Variants in SPTBN5 observed in about 807,000 individuals in gnomAD.
SPTBN5 encodes the protein spectrin beta, non-erythrocytic 5, also known as spectrin beta chain, non-erythrocytic 5.
A neutral mutation model predicts 477.6 loss-of-function variants in SPTBN5; 513 were observed. That is an observed-to-expected ratio of 1.07 (90% confidence interval 1.00 to 1.16). The LOEUF is 1.16. Ranked by LOEUF, SPTBN5 falls within the 50% of genes most tolerant of loss-of-function variation. SPTBN5 has a pLI of 0.00. For missense variants in SPTBN5, 5,062 were observed against 4,731.8 expected (o/e 1.07, Z -2.05); for synonymous variants, 2,169 against 2,011.7 (o/e 1.08, Z -2.09).
rs771940150 is a variant in SPTBN5 at position 41,873,944 on chromosome 15, G to A, written c.4791C>T (p.Ile1597=). 3.7e-6 allele frequency: 6 copies of A among 1,609,950 alleles called. No homozygotes were observed. The highest frequency in any genetic ancestry group is 1.1e-5 in the South Asian group (1 of 91,084). The change falls in exon 25 of 68, where the codon ATC becomes ATT. Residue 1597 remains isoleucine, a synonymous_variant. Transcript: ENST00000320955. ...AASGHPQAQH[I]VEQCQELEGH... Reference sequence around the variant, plus strand: ...CTTCCAGCTCCTGGCACTGCTCCACGATGTGTTGGGCTTGGGGGTGCCCTG... The same window carrying A: ...CTTCCAGCTCCTGGCACTGCTCCACAATGTGTTGGGCTTGGGGGTGCCCTG...
intron 53 of SPTBN5, 112 bp from the exon 54 acceptor site, chr15:41,855,857 G>T (rs1035677858): frequency 1.7e-6 from 2 of 1,184,082 alleles, no homozygotes; most frequent in Non-Finnish European, 2.3e-6. Context: ...GAGCTGTCAC[G>T]CTCCCTCAGC....
At chr15:41,883,736 T>C (rs974088582) in intron 7 of SPTBN5, among the ~76,000 whole-genome samples, 1 of 152,014 alleles carries the variant, frequency 6.6e-6, no homozygotes, top group Non-Finnish European at 1.5e-5. Context: ...CTAACTTGGA[T>C]GCAGTCCCCA....
intron 53 of SPTBN5, 111 bp downstream of exon 53, chr15:41,856,275 G>A (rs1424874763): frequency 1.0e-6 from 1 of 970,326 alleles, no homozygotes; most frequent in Non-Finnish European, 1.5e-6. Flanking sequence ...GGAGACCACT[G>A]AGTGGAGGAG....
intron 41 of SPTBN5, 91 bp from the exon 42 acceptor site, chr15:41,862,994 C>A: frequency 8.7e-7 from 1 of 1,150,892 alleles, no homozygotes; most frequent in Admixed American, 2.0e-5. Context: ...TCTGTGTGCA[C>A]AGCAAGTCCC....
intron 3 of SPTBN5, 89 bp from the exon 4 acceptor site, chr15:41,890,294 G>T (rs2067271865): frequency 1.2e-6 from 1 of 854,168 alleles, no homozygotes; most frequent in African/African-American, 1.7e-5. Context: ...GCTGCGGGAT[G>T]GGAGCATCCT....
chr15:41,876,236 C>G lies in SPTBN5; in HGVS notation c.4000G>C (p.Gly1334Arg). 1 of 1,600,314 alleles carries G rather than the reference C, an allele frequency of 6.2e-7. No homozygotes were observed. Among genetic ancestry groups the G allele is most frequent in the Non-Finnish European group, 8.5e-7 (1 of 1,176,806 alleles). Residue 1334 changes from glycine to arginine, a missense_variant, in exon 21 of 68, where the codon GGG (glycine) becomes CGG (arginine). Gly to Arg is a moderately radical substitution (Grantham distance 125). Coordinates refer to ENST00000320955, the MANE Select transcript of SPTBN5 (RefSeq NM_016642.4). ...GAGGGCTCATGCGCAGCCATCAGCC[C>G]CTTCTCTTCCATCCACTGCATCAGC... is the stretch of plus-strand genomic sequence containing the variant. ...AELMQWMEEK[G>R]LMAAHEPSGA...
rs550081116 is a variant in SPTBN5, at chr15:41,851,084, C to G, written c.10810G>C (p.Gly3604Arg). The G allele has an allele frequency of 1.2e-6, 2 of 1,612,832 alleles. No homozygotes were observed. The highest frequency in any genetic ancestry group is 8.5e-7 in the Non-Finnish European group (1 of 1,179,738). ...CTTAAGGAGAATGTGTGTTTCCTGC[C>G]GTGGCGGCCCCGCAGCCTCTCACAC... is the stretch of plus-strand genomic sequence containing the variant. The part of the protein sequence containing the change: ...ARCERLRGRH[G>R]RKHTFSLRLT... Residue 3604 changes from glycine (G) to arginine (R), a missense_variant, in exon 65 of 68, where the codon GGC becomes CGC. Physicochemically the swap from Gly to Arg is moderately radical, Grantham distance 125. Coordinates refer to ENST00000320955, the MANE Select transcript of SPTBN5 (RefSeq NM_016642.4).
intron 3 of SPTBN5, 96 bp downstream of exon 3, chr15:41,892,798 G>T: frequency 1.4e-6 from 2 of 1,398,058 alleles, no homozygotes; most frequent in Non-Finnish European, 1.9e-6. Context: ...CCTCTGTTCT[G>T]CCCAGTGGCC....
chr15:41,856,724 A>G, intron 52 of SPTBN5, 126 bp from the exon 53 acceptor site: 1 of 1,346,478 alleles, frequency 7.4e-7, no homozygotes, highest in Non-Finnish European at 9.9e-7. Context: ...CATGACTCCC[A>G]AAGAATCCAG....
chr15:41,870,242 C>A lies in SPTBN5; in HGVS notation c.5673+1G>T. On this transcript the variant is annotated splice_donor_variant, in intron 31 of 67. Coordinates refer to ENST00000320955, the MANE Select transcript of SPTBN5 (RefSeq NM_016642.4). LOFTEE classifies it high-confidence loss of function. ...TCGGAGAGGCAGCCAGCTGGGCTCACCTGCCGCTCGGTGCCCACGAGTTCT... is the reference window on the plus strand; with the variant it reads ...TCGGAGAGGCAGCCAGCTGGGCTCAACTGCCGCTCGGTGCCCACGAGTTCT... 15 of 1,548,410 alleles carry A rather than the reference C, an allele frequency of 9.7e-6. No individual in the cohort carries two copies. The highest frequency in any genetic ancestry group is 1.3e-5 in the Non-Finnish European group (15 of 1,146,496).
chr15:41,886,119 G>A lies in SPTBN5; in HGVS notation c.1136C>T (p.Ala379Val). The change falls in exon 7 of 68, where the codon GCC (alanine) becomes GTC (valine). Residue 379 changes from alanine to valine, a missense_variant. Transcript: ENST00000320955. ...LLFRLQTALQ[A>V]QNRRPFLPHE... ...AGGCAGGAAGGGCCTGCGGTTCTGG[G>A]CTTGGAGTGCTGTCTGTAGCCGGAA... The A allele has an allele frequency of 6.2e-7, 1 of 1,610,920 alleles. No individual in the cohort carries two copies. Among genetic ancestry groups the A allele is most frequent in the Non-Finnish European group, 8.5e-7 (1 of 1,178,568 alleles).
At chr15:41,850,160 A>G in intron 66 of SPTBN5, 1 of 581,840 alleles carries the variant, frequency 1.7e-6, no homozygotes, top group Non-Finnish European at 3.1e-6. Flanking sequence ...GCCTCTTAGG[A>G]AACTCCTCAC....
At position 41,858,603 on chromosome 15, in the gene SPTBN5, C is replaced by A. The variant is rs55649878; in HGVS notation, c.8225G>T (p.Arg2742Leu). 20 of 1,609,672 alleles carry A rather than the reference C, an allele frequency of 1.2e-5. No individual in the cohort carries two copies. The highest frequency in any genetic ancestry group is 1.6e-5 in the Non-Finnish European group (19 of 1,179,010). ...ACCCTCCTGCCTGCAGGGCCTCACC[C>A]GCTGCAGCTCCTGCTGTTGGTGCAT... ...ASMHQQQELQ[R>L]EGQRLLQGGH... Residue 2742 changes from arginine (R) to leucine (L), a missense_variant and splice_region_variant, in exon 49 of 68, where the codon CGG (arginine) becomes CTG (leucine). Arg to Leu is a moderately radical substitution (Grantham distance 102). Coordinates refer to ENST00000320955, the MANE Select transcript of SPTBN5 (RefSeq NM_016642.4).
rs755176099 is a variant in SPTBN5, at chr15:41,893,337, T to C, written c.161A>G (p.Gln54Arg). The change falls in exon 2 of 68, where the codon CAG becomes CGG. Residue 54 changes from glutamine (Q) to arginine (R), a missense_variant. Coordinates refer to ENST00000320955, the MANE Select transcript of SPTBN5 (RefSeq NM_016642.4). ...HIRKLQARHM[Q>R]MQEKTFTKWI... ...CTTGGTGAAAGTCTTCTCCTGCATC[T>C]GCATGTGCCGGGCCTGTAGCTTGCG... 19 of 1,613,898 alleles carry C rather than the reference T, an allele frequency of 1.2e-5. No individual in the cohort carries two copies. The highest frequency in any genetic ancestry group is 1.6e-5 in the Non-Finnish European group (19 of 1,179,902).
In SPTBN5 at chr15:41,875,487, G is replaced by T; in HGVS notation, c.4258C>A (p.Gln1420Lys). The change falls in exon 22 of 68, where the codon CAG becomes AAG. Residue 1420 changes from glutamine to lysine, a missense_variant. By Grantham distance (53) the Gln-to-Lys change is moderately conservative (BLOSUM62 1). Transcript: ENST00000320955. The part of the protein sequence containing the change: ...ERGDELQQAG[Q>K]QEQLLRQLQD... ...AGCTGCCTCAGGAGTTGCTCCTGCTGTCCAGCCTGCTGGAGCTCGTCCCCA... is the reference window on the plus strand; with the variant it reads ...AGCTGCCTCAGGAGTTGCTCCTGCTTTCCAGCCTGCTGGAGCTCGTCCCCA... The T allele has an allele frequency of 1.9e-6, 3 of 1,612,526 alleles. No individual in the cohort carries two copies. Among genetic ancestry groups the T allele is most frequent in the Non-Finnish European group, 1.7e-6 (2 of 1,179,522 alleles).
rs532620976 is a variant in SPTBN5 at position 41,871,936 on chromosome 15, G to A, written c.5166-19C>T. ...CCGGTCCCTGTGGTAACAGTCCGTG[G>A]TTCCCCAGAAGTGAGTTGCCCACCC... is the stretch of plus-strand genomic sequence containing the variant. On this transcript the variant is annotated intron_variant, in intron 27 of 67. Transcript: ENST00000320955. The A allele has an allele frequency of 1.0e-5, 16 of 1,537,604 alleles. No individual in the cohort carries two copies. The highest frequency in any genetic ancestry group is 1.4e-5 in the Non-Finnish European group (16 of 1,138,348).
Position 41,851,377 on chromosome 15 carries a change from G to C in SPTBN5, c.10657-8C>G. On this transcript the variant is annotated splice_polypyrimidine_tract_variant and splice_region_variant and intron_variant, in intron 63 of 67. Transcript: ENST00000320955. ...CCAGGAGCTCGAGCTAGGCTGTGGA[G>C]AGGAGGCGGGAAGGTCGCATGAGCC... The C allele has an allele frequency of 6.5e-7, 1 of 1,549,894 alleles. No individual in the cohort carries two copies. Among genetic ancestry groups the C allele is most frequent in the Non-Finnish European group, 8.7e-7 (1 of 1,146,240 alleles).
At position 41,877,203 on chromosome 15, in the gene SPTBN5, C is replaced by T. The variant is rs200468582; in HGVS notation, c.3624G>A (p.Leu1208=). The T allele has an allele frequency of 4.9e-5, 79 of 1,614,014 alleles. 1 individual carries two copies. In the Middle Eastern group the frequency reaches 4.9e-4, roughly 10 times the overall value. ...EQRQQWLQEG[L]ELQKFGREVD... ...CTTCTCGGCCAAACTTCTGCAGCTC[C>T]AGCCCCTCTTGCAGCCACTGCTGCC... The change falls in exon 18 of 68, where the codon CTG becomes CTA. Residue 1208 remains leucine (L), a synonymous_variant. Coordinates refer to ENST00000320955, the MANE Select transcript of SPTBN5 (RefSeq NM_016642.4).
At chr15:41,889,830 C>G (rs899134796) in intron 4 of SPTBN5, among the ~76,000 whole-genome samples, 2 of 152,216 alleles carry the variant, frequency 1.3e-5, no homozygotes, top group African/African-American at 4.8e-5. Flanking sequence ...CCTGAACCCC[C>G]CACTAGTGAA....
Sources: allele counts gnomAD v4.1 joint callset (sites outside exome capture counted in the v4.1 genomes callset), GRCh38; gene constraint gnomAD v4.1.1; transcripts MANE v1.5; gene names NCBI Gene and HGNC (gene_info 2026-07-23, HGNC 2026-07-21).